Variants in IDE observed in about 807,000 individuals in gnomAD.
The protein encoded by IDE is insulin-degrading enzyme.
In IDE, 58 loss-of-function variants were observed where a neutral mutation model predicts 133.2. The observed-to-expected ratio is 0.44, with a 90% confidence interval of 0.35 to 0.54. The LOEUF (loss-of-function observed/expected upper bound fraction) is 0.54, where lower values mean the gene tolerates loss of function less well. Ranked by LOEUF, IDE falls within the 20% of genes least tolerant of loss-of-function variation. IDE has a pLI of 0.00. For synonymous variants in IDE, 396 were observed against 421.3 expected (o/e 0.94, Z 0.73); for missense variants, 981 against 1,234.0 (o/e 0.79, Z 3.07).
intron 4 of IDE, among the ~76,000 whole-genome samples, chr10:92,522,041 T>C (rs932006347): frequency 2.0e-5 from 3 of 151,842 alleles, no homozygotes; most frequent in African/African-American, 7.3e-5. Flanking sequence ...TGTTCTTTTG[T>C]GTATGTTTTA....
intron 11 of IDE, among the ~76,000 whole-genome samples, chr10:92,501,022 C>G (rs1000576149): frequency 5.0e-5 from 7 of 140,182 alleles, no homozygotes; most frequent in African/African-American, 1.6e-4. Context: ...GCCTGGGCGA[C>G]AGAGTGAGAT....
chr10:92,549,654 A>C (rs1414266310), intron 1 of IDE, among the ~76,000 whole-genome samples: 1 of 151,630 alleles, frequency 6.6e-6, no homozygotes, highest in Non-Finnish European at 1.5e-5. Context: ...ATGCTTACTG[A>C]ATACTCAGTC....
chr10:92,567,339 G>A (rs926851569), intron 1 of IDE, among the ~76,000 whole-genome samples: 7 of 152,086 alleles, frequency 4.6e-5, no homozygotes, highest in Admixed American at 2.0e-4. Context: ...AGTCACTCAC[G>A]CTCAAGACCT....
intron 21 of IDE, among the ~76,000 whole-genome samples, chr10:92,463,514 G>A (rs1321244253): frequency 1.3e-5 from 2 of 152,044 alleles, no homozygotes; most frequent in Admixed American, 1.3e-4. Flanking sequence ...GGTAGATCCA[G>A]GTCTAGGTTT....
rs949668773 is a variant in IDE at position 92,574,007 on chromosome 10, G to T, written c.13C>A (p.Leu5Ile). The change falls in exon 1 of 25, where the codon CTA becomes ATA. Residue 5 changes from leucine to isoleucine, a missense_variant. Around this residue, in one of 2 missense-constraint regions of IDE, gnomAD observed 321 missense variants for 339.3 expected, o/e 0.95. Coordinates refer to ENST00000265986, the MANE Select transcript of IDE (RefSeq NM_004969.4). The part of the protein sequence containing the change: MRYR[L>I]AWLLHPALPS... Reference sequence around the variant, plus strand: ...AGTGCGGGGTGCAGAAGCCACGCTAGCCGGTACCGCATTAGCCAGCGCAGT... The same window carrying T: ...AGTGCGGGGTGCAGAAGCCACGCTATCCGGTACCGCATTAGCCAGCGCAGT... The T allele has an allele frequency of 8.6e-6, 13 of 1,509,026 alleles. No individual in the cohort carries two copies. In the Admixed American group the frequency reaches 2.8e-4, roughly 33 times the overall value. 93.5% of individuals were successfully genotyped at this position (1,509,026 alleles called of 1,614,324 possible). A position where few individuals can be genotyped will look rare whatever the true frequency, so the allele number is the denominator to read the frequency against.
chr10:92,478,860 C>A, intron 15 of IDE: 2 of 786,922 alleles, frequency 2.5e-6, no homozygotes, highest in South Asian at 2.7e-5. Flanking sequence ...GAAACATGAC[C>A]GAAGAGTATG....
chr10:92,519,921 A>G lies in IDE; in HGVS notation c.662-4879T>C, dbSNP rs373644466. Among the ~76,000 whole-genome samples, 5 of 152,318 alleles carry G rather than the reference A, an allele frequency of 3.3e-5. No individual in the cohort carries two copies. The East Asian group carries it at 5.8e-4, about 18-fold the overall frequency. On this transcript the variant is annotated intron_variant, in intron 4 of 24. Transcript: ENST00000265986. Reference sequence around the variant, plus strand: ...GGAGCTTGAGACCAGCCTGGCCAACATGGCAAAACCCCGTCCTACTAAAAA... The same window carrying G: ...GGAGCTTGAGACCAGCCTGGCCAACGTGGCAAAACCCCGTCCTACTAAAAA...
chr10:92,502,374 G>A (rs1848069698), intron 11 of IDE, among the ~76,000 whole-genome samples: 1 of 151,806 alleles, frequency 6.6e-6, no homozygotes, highest in Non-Finnish European at 1.5e-5. Context: ...GCTTATCTTT[G>A]GTTAAACTCA....
chr10:92,485,125 C>CTTTTTTTTTTTTTTTTTTTTTTTTTCT (rs34615998), intron 13 of IDE, among the ~76,000 whole-genome samples: 1 of 100,860 alleles, frequency 9.9e-6, no homozygotes, highest in Admixed American at 1.2e-4. Flanking sequence ...TTCTTTCTTT[C>CTTTTTTTTTTTTTTTTTTTTTTTTTCT]TTTTTTTTTT....
chr10:92,533,107 C>T (rs1850033488), intron 3 of IDE, among the ~76,000 whole-genome samples: 1 of 152,072 alleles, frequency 6.6e-6, no homozygotes, highest in Non-Finnish European at 1.5e-5. Context: ...GCTGGATAGG[C>T]CCAGATAAAG....
intron 5 of IDE, among the ~76,000 whole-genome samples, chr10:92,513,875 T>C (rs1440110655): frequency 6.6e-6 from 1 of 152,032 alleles, no homozygotes; most frequent in East Asian, 1.9e-4. Context: ...ATTTACACTT[T>C]GGTAGGGTGG....
chr10:92,516,217 G>T (rs1247536570), intron 4 of IDE, among the ~76,000 whole-genome samples: 1 of 151,742 alleles, frequency 6.6e-6, no homozygotes, highest in Non-Finnish European at 1.5e-5. Context: ...TTCTTGGCTG[G>T]GCTCAGTGGC....
chr10:92,565,110 G>A (rs1342521377), intron 1 of IDE, among the ~76,000 whole-genome samples: 1 of 151,756 alleles, frequency 6.6e-6, no homozygotes, highest in Non-Finnish European at 1.5e-5. Flanking sequence ...TAGCCGGCGT[G>A]GTAGCGGGCG....
intron 11 of IDE, among the ~76,000 whole-genome samples, chr10:92,491,214 G>T (rs1847320982): frequency 6.6e-6 from 1 of 151,516 alleles, no homozygotes; most frequent in South Asian, 2.1e-4. Context: ...CTCTAGCATG[G>T]GTGACAAATC....
chr10:92,506,339 C>A, intron 10 of IDE, 103 bp downstream of exon 10: 1 of 534,576 alleles, frequency 1.9e-6, no homozygotes, highest in South Asian at 3.8e-5. Flanking sequence ...AAGCTTTATA[C>A]CTCAGCTTCA....
intron 11 of IDE, among the ~76,000 whole-genome samples, chr10:92,496,204 C>A (rs1299458637): frequency 1.3e-5 from 2 of 152,068 alleles, no homozygotes; most frequent in Non-Finnish European, 2.9e-5. Context: ...AGAAAAAAGT[C>A]AAGAAAGATT....
At chr10:92,509,750 GTGTCT>G (rs1848485640) in intron 6 of IDE, among the ~76,000 whole-genome samples, 13 of 152,112 alleles carry the variant, frequency 8.5e-5, no homozygotes, top group Admixed American at 5.9e-4. Flanking sequence ...GTGAAACCCT[GTGTCT>G]ACTAAAAATA....
intron 2 of IDE, 129 bp downstream of exon 2, chr10:92,537,237 T>C (rs1842059445): frequency 1.6e-6 from 1 of 613,592 alleles, no homozygotes; most frequent in African/African-American, 1.9e-5. Flanking sequence ...TTACGAGGGT[T>C]CTGGTATAAA....
At chr10:92,473,458 G>C (rs1309676976) in intron 17 of IDE, among the ~76,000 whole-genome samples, 1 of 151,092 alleles carries the variant, frequency 6.6e-6, no homozygotes. Flanking sequence ...AAGTAAAGGG[G>C]TATGGAAGGC....
Sources: gnomAD v4.1 joint callset for allele counts (sites outside exome capture counted in the v4.1 genomes callset) on GRCh38, gnomAD v4.1.1 for gene constraint, gnomAD v4.1.1 regional missense constraint, MANE v1.5 for transcripts, NCBI Gene and HGNC (gene_info 2026-07-23, HGNC 2026-07-21) for gene names.